Variants in OFD1 observed in about 807,000 individuals in gnomAD.
OFD1 encodes the protein OFD1 centriole and centriolar satellite protein.
OFD1 carries 12 observed loss-of-function variants against 81.4 expected under a neutral mutation model. The ratio of observed to expected loss-of-function variants is 0.15; its 90% CI spans 0.09 to 0.24. The LOEUF (loss-of-function observed/expected upper bound fraction) is 0.24, where lower values mean the gene tolerates loss of function less well. Ranked by LOEUF, OFD1 falls within the 10% of genes least tolerant of loss-of-function variation. The pLI is 1.00. For synonymous variants in OFD1, 256 were observed against 263.7 expected (o/e 0.97, Z 0.28); for missense variants, 685 against 733.9 (o/e 0.93, Z 0.77).
At position 13,734,987 on chromosome X, in the gene OFD1, G is replaced by T. The variant is rs944249790; in HGVS notation, c.-85G>T. ...GTTCTGAGGGCAGGGATTCCCCCTC[G>T]TCTTGGCCCCACCGCCCGGGCTGGG... On this transcript the variant is annotated 5_prime_UTR_variant, in exon 1 of 23. Coordinates refer to ENST00000340096, the MANE Select transcript of OFD1 (RefSeq NM_003611.3). 31 of 1,157,797 alleles carry T rather than the reference G, an allele frequency of 2.7e-5. No homozygotes were observed. Among genetic ancestry groups the T allele is most frequent in the Non-Finnish European group, 3.4e-5 (30 of 873,195 alleles).
At chrX:13,730,464 TGGTG>T (rs1225110032), upstream of OFD1, among the ~76,000 whole-genome samples, 1 of 111,970 alleles carries the variant, frequency 8.9e-6, no homozygotes, top group Non-Finnish European at 1.9e-5. Flanking sequence ...TTTACACTGT[TGGTG>T]GGAGTGTAAA....
At chrX:13,731,313 G>A (rs1352482825), upstream of OFD1, among the ~76,000 whole-genome samples, 4 of 111,851 alleles carry the variant, frequency 3.6e-5, no homozygotes, top group Non-Finnish European at 7.5e-5. Context: ...CAACAGAAAC[G>A]TGTATTAAAT....
the OFD1 span, chrX:13,716,110 T>A: frequency 8.5e-7 from 1 of 1,169,642 alleles, no homozygotes; most frequent in African/African-American, 1.8e-5. Flanking sequence ...TAAGGCATAA[T>A]CTTTCTTAGA....
intron 13 of OFD1, 34 bp from the exon 14 acceptor site, chrX:13,757,626 G>A: frequency 8.6e-7 from 1 of 1,164,303 alleles, no homozygotes; most frequent in Non-Finnish European, 1.2e-6. Context: ...GGTTGGTAAT[G>A]ACTAGGATTT....
At chrX:13,771,641 A>G (rs2048300801), downstream of OFD1, 1 of 111,962 alleles carries the variant, frequency 8.9e-6, no homozygotes, top group African/African-American at 3.2e-5. Context: ...GATGCACCCA[A>G]CAGTTATATG....
the OFD1 span, among the ~76,000 whole-genome samples, chrX:13,725,256 A>G: frequency 2.7e-5 from 3 of 112,920 alleles, no homozygotes; most frequent in South Asian, 3.6e-4. Flanking sequence ...GGCTCCCCCA[A>G]CGTGGTGCTT....
chrX:13,753,309 A>G, intron 10 of OFD1, 59 bp from the exon 11 acceptor site: 2 of 1,208,318 alleles, frequency 1.7e-6, no homozygotes, highest in Non-Finnish European at 2.2e-6. Context: ...TCCTGCACTG[A>G]TAACAGTCTT....
intron 3 of OFD1, among the ~76,000 whole-genome samples, chrX:13,737,981 C>T (rs1007628697): frequency 2.7e-5 from 3 of 110,975 alleles, no homozygotes; most frequent in Non-Finnish European, 5.7e-5. Context: ...TCCCAAGTAG[C>T]TGGGATTACA....
upstream of OFD1, chrX:13,734,461 G>A (rs967683344): frequency 1.4e-5 from 3 of 221,852 alleles, no homozygotes; most frequent in African/African-American, 5.8e-5. Flanking sequence ...CGTCACGCAG[G>A]GGCTACGAAG....
At chrX:13,763,681 G>T in intron 18 of OFD1, 64 bp from the exon 19 acceptor site, 1 of 917,772 alleles carries the variant, frequency 1.1e-6, no homozygotes, top group Non-Finnish European at 1.6e-6. Flanking sequence ...CCCCCACACT[G>T]CACTGCCCTT....
chrX:13,768,084 A>T lies in OFD1; in HGVS notation c.2788A>T (p.Ile930Leu), dbSNP rs745495276. 12 of 1,177,004 alleles carry T rather than the reference A, an allele frequency of 1.0e-5. No homozygotes were observed. The Admixed American group carries it at 2.2e-4, about 21-fold the overall frequency. Residue 930 changes from isoleucine (I) to leucine (L), a missense_variant, in exon 21 of 23, where the codon ATA (isoleucine) becomes TTA (leucine). This residue lies in a region of OFD1 where 259 missense variants were observed against 254.4 expected (regional missense o/e 1.02). Transcript: ENST00000340096. ...KMIEESLKIKIKKELEMENEL... is the reference protein window; with the variant it reads ...KMIEESLKIKLKKELEMENEL... ...GATTGAAGAATCACTGAAGATTAAA[A>T]TAAAAAAGGAATTAGAAATGGAAAA...
chrX:13,762,202 G>A lies in OFD1; in HGVS notation c.2388-142G>A, dbSNP rs1437948967. 3.1e-5 allele frequency: 15 copies of A among 488,306 alleles called. No homozygotes were observed. In the South Asian group the frequency reaches 4.1e-4, roughly 13 times the overall value. 40.2% of individuals were successfully genotyped at this position (488,306 alleles called of 1,213,427 possible). ...TTGCTGAGAACAATGCCTAGTGGTG[G>A]TGGTGAGGTGGAGCTATTTACAAGA... On this transcript the variant is annotated intron_variant, in intron 17 of 22. Coordinates refer to ENST00000340096, the MANE Select transcript of OFD1 (RefSeq NM_003611.3).
In OFD1 at chrX:13,746,508, A is replaced by G. The variant is rs1220293883; in HGVS notation, c.654+53A>G. Reference sequence around the variant, plus strand: ...AGAGTGATGTTTTTGTTTGTCTTCTAAAGTCTTAACCATAGGTATATGGGA... The same window carrying G: ...AGAGTGATGTTTTTGTTTGTCTTCTGAAGTCTTAACCATAGGTATATGGGA... On this transcript the variant is annotated intron_variant, in intron 7 of 22. Transcript: ENST00000340096. 7.8e-6 allele frequency: 9 copies of G among 1,159,916 alleles called. No homozygotes were observed. The East Asian group carries it at 1.8e-4, about 23-fold the overall frequency.
the OFD1 span, chrX:13,716,506 G>T: frequency 3.3e-6 from 4 of 1,208,924 alleles, no homozygotes; most frequent in Non-Finnish European, 4.5e-6. Flanking sequence ...ACTTTAGTTA[G>T]TTACCTTTAC....
chrX:13,757,574 A>T, intron 13 of OFD1, 86 bp from the exon 14 acceptor site: 7 of 1,001,815 alleles, frequency 7.0e-6, no homozygotes, highest in Non-Finnish European at 9.6e-6. Context: ...ACACTTTAAA[A>T]CCCCTTTAAC....
upstream of OFD1, chrX:13,734,630 G>A (rs1251836548): frequency 3.5e-6 from 3 of 846,028 alleles, no homozygotes. Context: ...CGATACCCTG[G>A]GATGTGCTCT....
At chrX:13,760,042 A>G in intron 15 of OFD1, 73 bp from the exon 16 acceptor site, 3 of 1,179,721 alleles carry the variant, frequency 2.5e-6, no homozygotes, top group Non-Finnish European at 3.5e-6. Flanking sequence ...TTTCAAAAAA[A>G]TAATATTCTC....
chrX:13,737,319 G>T (rs2046909628), intron 3 of OFD1, among the ~76,000 whole-genome samples: 1 of 105,183 alleles, frequency 9.5e-6, no homozygotes. Context: ...TTGAACATTA[G>T]TACTACTTTA....
chrX:13,755,946 C>CTCT (rs2047687142), intron 12 of OFD1, among the ~76,000 whole-genome samples: 1 of 65,098 alleles, frequency 1.5e-5, no homozygotes, highest in Admixed American at 2.3e-4. Context: ...CTTTCTTTCC[C>CTCT]TTTTTTTTTT....
Sources: gnomAD v4.1 joint callset for allele counts (sites outside exome capture counted in the v4.1 genomes callset) on GRCh38, gnomAD v4.1.1 for gene constraint, gnomAD v4.1.1 regional missense constraint, MANE v1.5 for transcripts, NCBI Gene and HGNC (gene_info 2026-07-23, HGNC 2026-07-21) for gene names.